The following DNER variants were observed in gnomAD, a reference collection of about 807,000 sequenced individuals.
DNER encodes delta and Notch-like epidermal growth factor-related receptor.
Under a neutral mutation model 78.2 loss-of-function variants are expected in DNER, and 33 were observed. The observed-to-expected ratio is 0.42, with a 90% CI of 0.32 to 0.56. DNER has a LOEUF of 0.56. Ranked by LOEUF, DNER falls within the 20% of genes least tolerant of loss-of-function variation. DNER has a pLI of 0.11. For synonymous variants in DNER, 417 were observed against 384.8 expected (o/e 1.08, Z -0.98); for missense variants, 918 against 975.3 (o/e 0.94, Z 0.78).
intron 4 of DNER, among the ~76,000 whole-genome samples, chr2:229,564,528 CACCATCATCATCATCATCCTCACCCCATT>C (rs1296949788): frequency 7.0e-6 from 1 of 143,478 alleles, no homozygotes; most frequent in African/African-American, 2.8e-5. Context: ...CTTACCCCAT[CACCATCATCATCATCATCCTCACCCCATT>C]ACCATCATCA....
intron 8 of DNER, among the ~76,000 whole-genome samples, chr2:229,439,064 G>A (rs1322130235): frequency 2.0e-5 from 3 of 152,142 alleles, no homozygotes. Flanking sequence ...ACTTCATAAG[G>A]ACTATGGGGA....
At chr2:229,412,804 T>G (rs1693551991) in intron 9 of DNER, among the ~76,000 whole-genome samples, 1 of 152,046 alleles carries the variant, frequency 6.6e-6, no homozygotes, top group Non-Finnish European at 1.5e-5. Flanking sequence ...CAGGGCTCAG[T>G]GGGGCAAAGG....
intron 1 of DNER, among the ~76,000 whole-genome samples, chr2:229,685,451 T>C (rs950941440): frequency 1.4e-4 from 17 of 118,770 alleles, no homozygotes; most frequent in African/African-American, 5.2e-4. Flanking sequence ...GAGCTCATAA[T>C]GTTGCTGGGA....
At chr2:229,466,748 T>C (rs894539954) in intron 7 of DNER, among the ~76,000 whole-genome samples, 1 of 152,196 alleles carries the variant, frequency 6.6e-6, no homozygotes, top group African/African-American at 2.4e-5. Context: ...GAAGCAATCA[T>C]TAATAATTCT....
intron 4 of DNER, among the ~76,000 whole-genome samples, chr2:229,583,032 A>G (rs1201117013): frequency 6.6e-6 from 1 of 152,196 alleles, no homozygotes; most frequent in African/African-American, 2.4e-5. Context: ...TAGCAAAATG[A>G]GCTCAAAATA....
At chr2:229,547,905 A>G (rs536252380) in intron 4 of DNER, among the ~76,000 whole-genome samples, 4 of 152,258 alleles carry the variant, frequency 2.6e-5, no homozygotes, top group Non-Finnish European at 5.9e-5. Flanking sequence ...AATAAATATT[A>G]TAAGTATTTT....
In DNER at chr2:229,463,863, A is replaced by G. The variant is rs538036042; in HGVS notation, c.1261+13277T>C. 8.5e-5 allele frequency among the ~76,000 whole-genome samples: 13 copies of G among 152,342 alleles called. No individual in the cohort carries two copies. The South Asian group carries it at 2.5e-3, about 29-fold the overall frequency. On this transcript the variant is annotated intron_variant, in intron 7 of 12. Coordinates refer to ENST00000341772, the MANE Select transcript of DNER (RefSeq NM_139072.4). Reference sequence around the variant, plus strand: ...GAGACCAGAAGGACATATTTGAGATAATGAGAGAACACGTTGAGGCCATTT... The same window carrying G: ...GAGACCAGAAGGACATATTTGAGATGATGAGAGAACACGTTGAGGCCATTT...
chr2:229,669,876 A>C (rs1182876373), intron 1 of DNER, among the ~76,000 whole-genome samples: 1 of 152,204 alleles, frequency 6.6e-6, no homozygotes, highest in Non-Finnish European at 1.5e-5. Context: ...CGTCCATAAC[A>C]CACAGGTTGA....
intron 4 of DNER, among the ~76,000 whole-genome samples, chr2:229,576,391 G>A (rs1697302930): frequency 6.6e-6 from 1 of 150,434 alleles, no homozygotes; most frequent in South Asian, 2.1e-4. Flanking sequence ...TAAAAAGGGG[G>A]AATGAGGATT....
At chr2:229,372,146 T>C (rs888650911) in intron 11 of DNER, among the ~76,000 whole-genome samples, 2 of 152,214 alleles carry the variant, frequency 1.3e-5, no homozygotes, top group African/African-American at 4.8e-5. Context: ...GGCACAGTGC[T>C]GAGTGACAGG....
At chr2:229,691,212 A>G (rs1225501808) in intron 1 of DNER, among the ~76,000 whole-genome samples, 1 of 152,206 alleles carries the variant, frequency 6.6e-6, no homozygotes, top group Non-Finnish European at 1.5e-5. Flanking sequence ...AGAAGAGACA[A>G]CAGTGGCTTC....
chr2:229,405,887 G>T (rs1209249612), intron 10 of DNER, among the ~76,000 whole-genome samples: 7 of 151,990 alleles, frequency 4.6e-5, no homozygotes, highest in South Asian at 2.1e-4. Flanking sequence ...AATATCTGGG[G>T]AAAAAAAACC....
At chr2:229,359,778 T>C (rs1692172817) in intron 12 of DNER, among the ~76,000 whole-genome samples, 1 of 152,202 alleles carries the variant, frequency 6.6e-6, no homozygotes, top group African/African-American at 2.4e-5. Context: ...CAGTGCGTTC[T>C]TCATGTGATC....
chr2:229,481,378 G>A (rs1269894412), intron 6 of DNER, among the ~76,000 whole-genome samples: 1 of 152,218 alleles, frequency 6.6e-6, no homozygotes. Context: ...AGTTCTGGAA[G>A]AGGAGAGGCA....
chr2:229,558,424 G>C (rs1408873624), intron 4 of DNER, among the ~76,000 whole-genome samples: 1 of 152,134 alleles, frequency 6.6e-6, no homozygotes, highest in African/African-American at 2.4e-5. Context: ...TGTCAAAAAT[G>C]TCAAGGGTTC....
chr2:229,471,671 T>C (rs1242083271), intron 7 of DNER, among the ~76,000 whole-genome samples: 3 of 152,224 alleles, frequency 2.0e-5, no homozygotes, highest in Non-Finnish European at 4.4e-5. Flanking sequence ...CGAGGTTAGA[T>C]GACTAATTAA....
At chr2:229,581,969 G>A (rs990333190) in intron 4 of DNER, among the ~76,000 whole-genome samples, 6 of 152,148 alleles carry the variant, frequency 3.9e-5, no homozygotes, top group African/African-American at 1.4e-4. Flanking sequence ...ATGGGAAGCA[G>A]GAGACAGTCA....
At chr2:229,505,671 C>G (rs997773691) in intron 6 of DNER, among the ~76,000 whole-genome samples, 14 of 152,114 alleles carry the variant, frequency 9.2e-5, no homozygotes, top group African/African-American at 3.4e-4. Context: ...ACAAGAAAGA[C>G]CTTTCACATG....
At chr2:229,432,917 G>T (rs1339289060) in intron 8 of DNER, among the ~76,000 whole-genome samples, 3 of 152,102 alleles carry the variant, frequency 2.0e-5, no homozygotes, top group Non-Finnish European at 2.9e-5. Context: ...GTGGTTATGG[G>T]ATTTTTTGTG....
Sources: gnomAD v4.1 joint callset for allele counts (sites outside exome capture counted in the v4.1 genomes callset) on GRCh38, gnomAD v4.1.1 for gene constraint, MANE v1.5 for transcripts, NCBI Gene and HGNC (gene_info 2026-07-23, HGNC 2026-07-21) for gene names.